The following RPP25L variants were observed in gnomAD, a reference collection of about 807,000 sequenced individuals.
The protein encoded by RPP25L is ribonuclease P/MRP subunit p25 like.
Under a neutral mutation model 10.1 loss-of-function variants are expected in RPP25L, and 5 were observed. The ratio of observed to expected loss-of-function variants is 0.50; its 90% CI spans 0.26 to 1.04. The LOEUF is 1.04. Among genes scored for constraint, RPP25L ranks in the 50% least tolerant of loss-of-function variants. RPP25L has a pLI of 0.14. For synonymous variants in RPP25L, 96 were observed against 88.6 expected (o/e 1.08, Z -0.47); for missense variants, 192 against 217.3 (o/e 0.88, Z 0.73).
Position 34,610,663 on chromosome 9 carries a change from A to T in RPP25L, c.*142T>A. On this transcript the variant is annotated 3_prime_UTR_variant, in exon 2 of 2. Coordinates refer to ENST00000378959, the MANE Select transcript of RPP25L (RefSeq NM_148178.3). ...ACAGCAGTCCCTTCCCACATGCTAGAGGGAAGGGGAAGCATGATAGGGAGG... is the reference window on the plus strand; with the variant it reads ...ACAGCAGTCCCTTCCCACATGCTAGTGGGAAGGGGAAGCATGATAGGGAGG... The T allele has an allele frequency of 1.1e-6, 1 of 879,272 alleles. No homozygotes were observed. Among genetic ancestry groups the T allele is most frequent in the Non-Finnish European group, 1.7e-6 (1 of 579,828 alleles). 54.5% of individuals were successfully genotyped at this position (879,272 alleles called of 1,614,324 possible).
rs139964847 is a variant in RPP25L, at chr9:34,610,569, G to A, written c.*236C>T. 9.7e-4 allele frequency: 473 copies of A among 488,690 alleles called. 6 individuals are homozygous for A. The East Asian group carries it at 0.012, about 12-fold the overall frequency. The allele number at this position is 488,690 out of a possible 1,614,324, so 30.3% of individuals were successfully genotyped here. On this transcript the variant is annotated 3_prime_UTR_variant, in exon 2 of 2. Coordinates refer to ENST00000378959, the MANE Select transcript of RPP25L (RefSeq NM_148178.3). ...AGAAGGCAGTTCAAATGCACTGTAG[G>A]TAGAAGGCAGAGGAAGCCCTTATTT...
Position 34,610,768 on chromosome 9 carries a change from C to T in RPP25L, c.*37G>A. On this transcript the variant is annotated 3_prime_UTR_variant, in exon 2 of 2. Coordinates refer to ENST00000378959, the MANE Select transcript of RPP25L (RefSeq NM_148178.3). ...TCAGAAAAGGCACAAGCACCCCAGACATTCAGGCCCGGAGAACAGGCTGGC... is the reference window on the plus strand; with the variant it reads ...TCAGAAAAGGCACAAGCACCCCAGATATTCAGGCCCGGAGAACAGGCTGGC... 1 of 1,509,650 alleles carries T rather than the reference C, an allele frequency of 6.6e-7. No homozygotes were observed. The highest frequency in any genetic ancestry group is 1.3e-5 in the South Asian group (1 of 74,956). 93.5% of individuals were successfully genotyped at this position (1,509,650 alleles called of 1,614,324 possible). A position where few individuals can be genotyped will look rare whatever the true frequency, so the allele number is the denominator to read the frequency against.
chr9:34,611,770 G>C lies in RPP25L; in HGVS notation c.-37+294C>G, dbSNP rs1447282922. The C allele has an allele frequency of 6.1e-6, 1 of 164,636 alleles. No individual in the cohort carries two copies. Among genetic ancestry groups the C allele is most frequent in the Admixed American group, 5.7e-5 (1 of 17,632 alleles). 10.2% of individuals were successfully genotyped at this position (164,636 alleles called of 1,614,324 possible). On this transcript the variant is annotated intron_variant, in intron 1 of 1. Transcript: ENST00000378959. This position sits in a 1 kb window ranked among gnomAD's most constrained non-coding sequence, Gnocchi z 4.4. ...GGGGCTCTACAAGGACAGGGACAAGGCCCTTCGCCCCAGGCCCCCCGGGAA... is the reference window on the plus strand; with the variant it reads ...GGGGCTCTACAAGGACAGGGACAAGCCCCTTCGCCCCAGGCCCCCCGGGAA...
Position 34,610,532 on chromosome 9 carries a change from T to C in RPP25L, c.*273A>G, listed in dbSNP as rs979554587. 3.7e-5 allele frequency: 16 copies of C among 427,706 alleles called. No homozygotes were observed. The highest frequency in any genetic ancestry group is 3.3e-4 in the African/African-American group (16 of 49,110). 26.5% of individuals were successfully genotyped at this position (427,706 alleles called of 1,614,324 possible). On this transcript the variant is annotated 3_prime_UTR_variant, in exon 2 of 2. Coordinates refer to ENST00000378959, the MANE Select transcript of RPP25L (RefSeq NM_148178.3). Reference sequence around the variant, plus strand: ...AAACTTTATTTCCTAAATCCCTCCCTGGACCTCTTTCAGAAGGCAGTTCAA... The same window carrying C: ...AAACTTTATTTCCTAAATCCCTCCCCGGACCTCTTTCAGAAGGCAGTTCAA...
At position 34,611,683 on chromosome 9, in the gene RPP25L, C is replaced by G. The variant is rs1353103231; in HGVS notation, c.-36-351G>C. Among the ~76,000 whole-genome samples, 1 of 152,190 alleles carries G rather than the reference C, an allele frequency of 6.6e-6. No homozygotes were observed. The highest frequency in any genetic ancestry group is 1.9e-4 in the East Asian group (1 of 5,188). ...GGCTTAGCCCCCCTTATCCTGGGCT[C>G]CTTGGAACAGGGCCTGGAACCCTCA... On this transcript the variant is annotated intron_variant, in intron 1 of 1. Coordinates refer to ENST00000378959, the MANE Select transcript of RPP25L (RefSeq NM_148178.3). The surrounding 1 kb of genome is among the most constrained non-coding windows in gnomAD (Gnocchi z 4.4).
chr9:34,610,732 C>G lies in RPP25L; in HGVS notation c.*73G>C. The G allele has an allele frequency of 1.4e-6, 2 of 1,480,884 alleles. No individual in the cohort carries two copies. Among genetic ancestry groups the G allele is most frequent in the Non-Finnish European group, 1.8e-6 (2 of 1,112,574 alleles). 91.7% of individuals were successfully genotyped at this position (1,480,884 alleles called of 1,614,324 possible). On this transcript the variant is annotated 3_prime_UTR_variant, in exon 2 of 2. Coordinates refer to ENST00000378959, the MANE Select transcript of RPP25L (RefSeq NM_148178.3). The stretch of plus-strand genomic sequence containing the variant: ...AACCTTGATGGGGATGTTGAGCAGT[C>G]ACAACGCTTCTCAGAAAAGGCACAA...
At position 34,610,777 on chromosome 9, in the gene RPP25L, C is replaced by T; in HGVS notation, c.*28G>A. On this transcript the variant is annotated 3_prime_UTR_variant, in exon 2 of 2. Transcript: ENST00000378959. The stretch of plus-strand genomic sequence containing the variant: ...GCACAAGCACCCCAGACATTCAGGC[C>T]CGGAGAACAGGCTGGCTCAGCAGGT... 1 of 1,512,376 alleles carries T rather than the reference C, an allele frequency of 6.6e-7. No homozygotes were observed. The highest frequency in any genetic ancestry group is 8.8e-7 in the Non-Finnish European group (1 of 1,131,480). The allele number at this position is 1,512,376 out of a possible 1,614,324, so 93.7% of individuals were successfully genotyped here. A position where few individuals can be genotyped will look rare whatever the true frequency, so the allele number is the denominator to read the frequency against.
In RPP25L at chr9:34,610,617, G is replaced by T. The variant is rs1291274068; in HGVS notation, c.*188C>A. The T allele has an allele frequency of 2.4e-5, 15 of 631,644 alleles. No individual in the cohort carries two copies. Among genetic ancestry groups the T allele is most frequent in the Non-Finnish European group, 4.0e-5 (15 of 377,078 alleles). 39.1% of individuals were successfully genotyped at this position (631,644 alleles called of 1,614,324 possible). On this transcript the variant is annotated 3_prime_UTR_variant, in exon 2 of 2. Transcript: ENST00000378959. ...TTTAGCAATGCAGAACTTGGCAGAG[G>T]CCCCACATCTGTCATTCTTCACAGC...
At position 34,610,785 on chromosome 9, in the gene RPP25L, C is replaced by G; in HGVS notation, c.*20G>C. The G allele has an allele frequency of 2.0e-6, 3 of 1,514,002 alleles. No individual in the cohort carries two copies. Among genetic ancestry groups the G allele is most frequent in the Non-Finnish European group, 1.8e-6 (2 of 1,131,988 alleles). The allele number at this position is 1,514,002 out of a possible 1,614,324, so 93.8% of individuals were successfully genotyped here. ...ACCCCAGACATTCAGGCCCGGAGAA[C>G]AGGCTGGCTCAGCAGGTCTTCACGA... On this transcript the variant is annotated 3_prime_UTR_variant, in exon 2 of 2. Coordinates refer to ENST00000378959, the MANE Select transcript of RPP25L (RefSeq NM_148178.3).
chr9:34,610,838 A>G lies in RPP25L; in HGVS notation c.459T>C (p.Arg153=). 1 of 1,542,568 alleles carries G rather than the reference A, an allele frequency of 6.5e-7. No homozygotes were observed. The highest frequency in any genetic ancestry group is 8.8e-7 in the Non-Finnish European group (1 of 1,142,636). Reference sequence around the variant, plus strand: ...GGGTGTCTCGAGCCCTTCTTCGGGAACGAGGGCCACAGCTGGAGCTGGGCA... The same window carrying G: ...GGGTGTCTCGAGCCCTTCTTCGGGAGCGAGGGCCACAGCTGGAGCTGGGCA... ...GSMPSSSCGP[R]SRRRARDTRS The change falls in exon 2 of 2, where the codon CGT becomes CGC. Residue 153 remains arginine, a synonymous_variant. Coordinates refer to ENST00000378959, the MANE Select transcript of RPP25L (RefSeq NM_148178.3).
Position 34,610,836 on chromosome 9 carries a change from G to A in RPP25L, c.461C>T (p.Ser154Phe). 5 of 1,541,138 alleles carry A rather than the reference G, an allele frequency of 3.2e-6. No homozygotes were observed. Among genetic ancestry groups the A allele is most frequent in the Non-Finnish European group, 4.4e-6 (5 of 1,141,946 alleles). ...SMPSSSCGPR[S>F]RRRARDTRS ...TCGGGTGTCTCGAGCCCTTCTTCGG[G>A]AACGAGGGCCACAGCTGGAGCTGGG... Residue 154 changes from serine to phenylalanine, a missense_variant, in exon 2 of 2, where the codon TCC (serine) becomes TTC (phenylalanine). Coordinates refer to ENST00000378959, the MANE Select transcript of RPP25L (RefSeq NM_148178.3).
At position 34,610,922 on chromosome 9, in the gene RPP25L, G is replaced by T; in HGVS notation, c.375C>A (p.Pro125=). The T allele has an allele frequency of 6.2e-7, 1 of 1,612,082 alleles. No homozygotes were observed. Among genetic ancestry groups the T allele is most frequent in the Non-Finnish European group, 8.5e-7 (1 of 1,178,834 alleles). ...GGTAACCACACTCATTGGGGTCCAG[G>T]GGGTCCCGGCTGAGCAGCACCCACA... ...PAVWVLLSRD[P]LDPNECGYQP... is the part of the protein sequence containing the mutation. Residue 125 remains proline (P), a synonymous_variant, in exon 2 of 2, where the codon CCC becomes CCA. Transcript: ENST00000378959.
Position 34,611,002 on chromosome 9 carries a change from C to G in RPP25L, c.295G>C (p.Ala99Pro), listed in dbSNP as rs201431174. The change falls in exon 2 of 2, where the codon GCC becomes CCC. Residue 99 changes from alanine (A) to proline (P), a missense_variant. Transcript: ENST00000378959. This position sits in a 1 kb window ranked among gnomAD's most constrained non-coding sequence, Gnocchi z 4.4. ...GGGTCTAGCCCTGTGTCAGGTGAGG[C>G]TGGGACCCAGCTGTCCTCAGTCTGA... ...FLQTEDSWVP[A>P]SPDTGLDPLT... is the part of the protein sequence containing the mutation. 199 of 1,613,880 alleles carry G rather than the reference C, an allele frequency of 1.2e-4. No individual in the cohort carries two copies. The highest frequency in any genetic ancestry group is 1.6e-4 in the Non-Finnish European group (191 of 1,180,018).
rs893417704 is a variant in RPP25L, at chr9:34,611,924, C to G, written c.-37+140G>C. 3 of 153,264 alleles carry G rather than the reference C, an allele frequency of 2.0e-5. No homozygotes were observed. The highest frequency in any genetic ancestry group is 7.2e-5 in the African/African-American group (3 of 41,474). The allele number at this position is 153,264 out of a possible 1,614,324, so 9.5% of individuals were successfully genotyped here. A position where few individuals can be genotyped will look rare whatever the true frequency, so the allele number is the denominator to read the frequency against. ...GGGGGCAGAGGCTCGACTCGGAGGG[C>G]TGCTCAGGACATTCCAAGACAGCCT... On this transcript the variant is annotated intron_variant, in intron 1 of 1. Coordinates refer to ENST00000378959, the MANE Select transcript of RPP25L (RefSeq NM_148178.3). The surrounding 1 kb of genome is among the most constrained non-coding windows in gnomAD (Gnocchi z 4.4).
Position 34,610,572 on chromosome 9 carries a change from G to A in RPP25L, c.*233C>T, listed in dbSNP as rs1820285808. The A allele has an allele frequency of 1.0e-5, 5 of 491,540 alleles. No individual in the cohort carries two copies. The South Asian group carries it at 2.0e-4, about 19-fold the overall frequency. 30.4% of individuals were successfully genotyped at this position (491,540 alleles called of 1,614,324 possible). A position where few individuals can be genotyped will look rare whatever the true frequency, so the allele number is the denominator to read the frequency against. On this transcript the variant is annotated 3_prime_UTR_variant, in exon 2 of 2. Coordinates refer to ENST00000378959, the MANE Select transcript of RPP25L (RefSeq NM_148178.3). ...AGGCAGTTCAAATGCACTGTAGGTA[G>A]AAGGCAGAGGAAGCCCTTATTTAGC... is the stretch of plus-strand genomic sequence containing the variant.
rs150856053 is a variant in RPP25L at position 34,611,184 on chromosome 9, T to C, written c.113A>G (p.Asn38Ser). The C allele has an allele frequency of 7.1e-5, 114 of 1,614,034 alleles. 1 individual carries two copies. The Middle Eastern group carries it at 1.2e-3, about 16-fold the overall frequency. Reference protein sequence around the residue: ...MRVRDGSKIRNLLGLALGRLE... With the variant: ...MRVRDGSKIRSLLGLALGRLE... ...CCGACCCAGAGCCAACCCCAGCAGG[T>C]TGCGAATTTTGCTGCCATCTCGGAC... is the stretch of plus-strand genomic sequence containing the variant. The change falls in exon 2 of 2, where the codon AAC becomes AGC. Residue 38 changes from asparagine (N) to serine (S), a missense_variant. Asn to Ser is a conservative substitution (Grantham distance 46). Transcript: ENST00000378959. This position sits in a 1 kb window ranked among gnomAD's most constrained non-coding sequence, Gnocchi z 4.4.
At position 34,611,275 on chromosome 9, in the gene RPP25L, C is replaced by T; in HGVS notation, c.22G>A (p.Gly8Ser). The change falls in exon 2 of 2, where the codon GGC becomes AGC. Residue 8 changes from glycine (G) to serine (S), a missense_variant. Physicochemically the swap from Gly to Ser is moderately conservative, Grantham distance 56. Transcript: ENST00000378959. This position sits in a 1 kb window ranked among gnomAD's most constrained non-coding sequence, Gnocchi z 4.4. ...GAAGGCGCTGGGAGCTCTACAGAGC[C>T]AGCTTTCCGGTAGTGCTCCATCCTG... MEHYRKA[G>S]SVELPAPSPM... is the part of the protein sequence containing the mutation. 6.2e-7 allele frequency: 1 copy of T among 1,613,276 alleles called. No individual in the cohort carries two copies. The highest frequency in any genetic ancestry group is 8.5e-7 in the Non-Finnish European group (1 of 1,179,920).
At position 34,611,203 on chromosome 9, in the gene RPP25L, C is replaced by G. The variant is rs1820297143; in HGVS notation, c.94G>C (p.Asp32His). The G allele has an allele frequency of 6.2e-7, 1 of 1,613,972 alleles. No individual in the cohort carries two copies. The highest frequency in any genetic ancestry group is 8.5e-7 in the Non-Finnish European group (1 of 1,180,034). ...AGCAGGTTGCGAATTTTGCTGCCAT[C>G]TCGGACCCGCATCTCAAGGGTATCA... ...PPDTLEMRVR[D>H]GSKIRNLLGL... Residue 32 changes from aspartate (D) to histidine (H), a missense_variant, in exon 2 of 2, where the codon GAT becomes CAT. Coordinates refer to ENST00000378959, the MANE Select transcript of RPP25L (RefSeq NM_148178.3). The surrounding 1 kb of genome is among the most constrained non-coding windows in gnomAD (Gnocchi z 4.4).
In RPP25L at chr9:34,611,414, C is replaced by A. The variant is rs1820300703; in HGVS notation, c.-36-82G>T. 9.1e-7 allele frequency: 1 copy of A among 1,103,658 alleles called. No homozygotes were observed. The highest frequency in any genetic ancestry group is 1.6e-5 in the South Asian group (1 of 63,734). The allele number at this position is 1,103,658 out of a possible 1,614,324, so 68.4% of individuals were successfully genotyped here. A position where few individuals can be genotyped will look rare whatever the true frequency, so the allele number is the denominator to read the frequency against. The stretch of plus-strand genomic sequence containing the variant: ...TCCCCTATCTCCATCCAGGATATGG[C>A]CCTGCTCCCCGTTCCAGACTTCCCA... On this transcript the variant is annotated intron_variant, in intron 1 of 1. Transcript: ENST00000378959. The surrounding 1 kb of genome is among the most constrained non-coding windows in gnomAD (Gnocchi z 4.4).
Sources: allele counts gnomAD v4.1 joint callset (sites outside exome capture counted in the v4.1 genomes callset), GRCh38; gene constraint gnomAD v4.1.1; non-coding constraint Gnocchi (gnomAD v3.1); transcripts MANE v1.5; gene names NCBI Gene and HGNC (gene_info 2026-07-23, HGNC 2026-07-21).